CSMD1: variants seen among roughly 807,000 people sequenced by gnomAD.
CSMD1 encodes the protein CUB and Sushi multiple domains 1.
In CSMD1, 213 loss-of-function variants were observed where a neutral mutation model predicts 417.5. That is an observed-to-expected ratio of 0.51 (90% CI 0.46 to 0.57). The LOEUF is 0.57. Ranked by LOEUF, CSMD1 falls within the 20% of genes least tolerant of loss-of-function variation. The probability of loss-of-function intolerance (pLI) is 0.00; values close to 1 mark genes in which losing one functional copy is unlikely to be tolerated. For missense variants in CSMD1, 6,923 were observed against 4,529.7 expected, an observed-to-expected ratio of 1.53 and a Z score of -15.17; for synonymous variants, 2,862 against 1,736.8, an observed-to-expected ratio of 1.65 and a Z score of -16.11.
chr8:4,895,585 A>G (rs919948595), intron 1 of CSMD1, among the ~76,000 whole-genome samples: 1 of 152,090 alleles, frequency 6.6e-6, no homozygotes, highest in Admixed American at 6.5e-5. Context: ...GGTATTGATT[A>G]TAGTTATTCG....
intron 1 of CSMD1, among the ~76,000 whole-genome samples, chr8:4,890,150 A>C (rs1216121927): frequency 1.3e-5 from 2 of 152,086 alleles, no homozygotes; most frequent in Admixed American, 6.5e-5. Flanking sequence ...TTTTCCCCTT[A>C]ATTTTGTTTT....
At chr8:4,360,805 G>A (rs763207456) in intron 3 of CSMD1, among the ~76,000 whole-genome samples, 1 of 151,474 alleles carries the variant, frequency 6.6e-6, no homozygotes. Flanking sequence ...CTCGGGGTTC[G>A]TAATCTCACA....
chr8:4,857,848 G>A (rs1208549643), intron 1 of CSMD1, among the ~76,000 whole-genome samples: 2 of 151,858 alleles, frequency 1.3e-5, no homozygotes, highest in African/African-American at 2.4e-5. Flanking sequence ...AGGAGGAACT[G>A]GTACCATTCC....
At chr8:3,813,247 T>G (rs1274756477) in intron 5 of CSMD1, among the ~76,000 whole-genome samples, 2 of 150,976 alleles carry the variant, frequency 1.3e-5, no homozygotes, top group African/African-American at 4.8e-5. Flanking sequence ...CTGTCATCAT[T>G]AAGATAGCAA....
chr8:4,465,231 A>T (rs762219053), intron 2 of CSMD1, among the ~76,000 whole-genome samples: 14 of 152,110 alleles, frequency 9.2e-5, no homozygotes, highest in Non-Finnish European at 1.6e-4. Flanking sequence ...ATTTGCTCTG[A>T]AGTTTGAGTA....
intron 3 of CSMD1, among the ~76,000 whole-genome samples, chr8:4,336,094 G>A (rs1042182522): frequency 6.6e-6 from 1 of 152,102 alleles, no homozygotes; most frequent in African/African-American, 2.4e-5. Context: ...ACTAATTGAT[G>A]AGAAATAGTG....
At chr8:3,455,069 C>G (rs1368895174) in intron 12 of CSMD1, among the ~76,000 whole-genome samples, 2 of 152,206 alleles carry the variant, frequency 1.3e-5, no homozygotes, top group Non-Finnish European at 2.9e-5. Flanking sequence ...ATTTGATCTT[C>G]CATCACTGAT....
At chr8:3,250,058 GTTTA>G (rs774851173) in intron 26 of CSMD1, among the ~76,000 whole-genome samples, 10 of 152,120 alleles carry the variant, frequency 6.6e-5, no homozygotes, top group Non-Finnish European at 1.0e-4. Context: ...ACATATTTTT[GTTTA>G]TTTATTTTTA....
chr8:3,868,336 T>G (rs143484757), intron 5 of CSMD1, among the ~76,000 whole-genome samples: 148 of 152,238 alleles, frequency 9.7e-4, no homozygotes, highest in African/African-American at 3.4e-3. Context: ...CATTTATTTT[T>G]TGCCTTCCTT....
intron 1 of CSMD1, among the ~76,000 whole-genome samples, chr8:4,799,472 G>A (rs980999859): frequency 3.3e-5 from 5 of 151,698 alleles, no homozygotes; most frequent in African/African-American, 1.2e-4. Context: ...AATGGTGTGT[G>A]CCTGTAGCCC....
intron 12 of CSMD1, among the ~76,000 whole-genome samples, chr8:3,459,413 A>G (rs1816358321): frequency 6.6e-6 from 1 of 152,152 alleles, no homozygotes; most frequent in Admixed American, 6.5e-5. Context: ...GCAATGCAGC[A>G]CCAGTGCCAC....
chr8:3,596,031 C>T (rs118035838), intron 8 of CSMD1, among the ~76,000 whole-genome samples: 8 of 149,760 alleles, frequency 5.3e-5, no homozygotes, highest in East Asian at 2.0e-4. Flanking sequence ...AGGAGAGCAA[C>T]GTCAGTGCCT....
chr8:4,486,714 G>A (rs1040364898), intron 2 of CSMD1, among the ~76,000 whole-genome samples: 9 of 151,052 alleles, frequency 6.0e-5, no homozygotes, highest in African/African-American at 2.2e-4. Flanking sequence ...AAAGAAAAAT[G>A]TACAAAGAGG....
intron 3 of CSMD1, among the ~76,000 whole-genome samples, chr8:4,368,800 G>C (rs911627217): frequency 9.9e-5 from 15 of 152,072 alleles, no homozygotes; most frequent in African/African-American, 3.6e-4. Context: ...TGTTGGATAG[G>C]TTGTAATGTC....
chr8:4,346,126 G>T (rs553288144), intron 3 of CSMD1, among the ~76,000 whole-genome samples: 1 of 152,154 alleles, frequency 6.6e-6, no homozygotes, highest in African/African-American at 2.4e-5. Flanking sequence ...AGGACCTGGA[G>T]GTTTTTCTAC....
chr8:3,097,271 C>T (rs1430217003), intron 46 of CSMD1, among the ~76,000 whole-genome samples: 1 of 152,106 alleles, frequency 6.6e-6, no homozygotes, highest in Non-Finnish European at 1.5e-5. Flanking sequence ...CTCCTTTGGC[C>T]CCTGCATCTC....
At chr8:4,319,245 C>G (rs1019012487) in intron 3 of CSMD1, among the ~76,000 whole-genome samples, 1 of 152,066 alleles carries the variant, frequency 6.6e-6, no homozygotes, top group Admixed American at 6.6e-5. Flanking sequence ...AGTCATTTTT[C>G]CCTTTTGCTT....
chr8:4,312,152 C>A (rs552126258), intron 3 of CSMD1, among the ~76,000 whole-genome samples: 58 of 152,000 alleles, frequency 3.8e-4, no homozygotes, highest in Non-Finnish European at 6.3e-4. Flanking sequence ...TCTTTACACA[C>A]GCTTCCTACG....
chr8:4,131,756 CT>C lies in CSMD1; in HGVS notation c.416-99658del, dbSNP rs10650865. The stretch of plus-strand genomic sequence containing the variant: ...AGATTAAATTAGTATACAAATGTGA[CT>C]TTTTTTTTTTTTTTTTTTTTTTTGA... On this transcript the variant is annotated intron_variant, in intron 3 of 69. Transcript: ENST00000635120. 5.9e-3 allele frequency among the ~76,000 whole-genome samples: 511 copies of C among 87,346 alleles called. 1 individual carries two copies. The highest frequency in any genetic ancestry group is 0.015 in the African/African-American group (333 of 21,942). The allele number at this position is 87,346 out of a possible 152,430, so 57.3% of individuals were successfully genotyped here. A position where few individuals can be genotyped will look rare whatever the true frequency, so the allele number is the denominator to read the frequency against.
Sources: allele counts gnomAD v4.1 joint callset (sites outside exome capture counted in the v4.1 genomes callset), GRCh38; gene constraint gnomAD v4.1.1; transcripts MANE v1.5; gene names NCBI Gene and HGNC (gene_info 2026-07-23, HGNC 2026-07-21).